Variants in CDYL observed in about 807,000 individuals in gnomAD.
CDYL encodes chromodomain Y-like protein.
In CDYL, 8 loss-of-function variants were observed where a neutral mutation model predicts 47.3. The observed-to-expected ratio is 0.17, with a 90% CI of 0.10 to 0.31. CDYL has a LOEUF of 0.31. Among genes scored for constraint, CDYL ranks in the 10% least tolerant of loss-of-function variants. The pLI, the probability that CDYL is intolerant of heterozygous loss-of-function variation, is 1.00. For synonymous variants in CDYL, 266 were observed against 265.0 expected (o/e 1.00, Z -0.04); for missense variants, 471 against 701.4 (o/e 0.67, Z 3.71).
intron 2 of CDYL, among the ~76,000 whole-genome samples, chr6:4,914,671 T>C (rs1444014944): frequency 6.6e-6 from 1 of 152,256 alleles, no homozygotes; most frequent in Non-Finnish European, 1.5e-5. Context: ...TTCTTCATTC[T>C]GAGCTATTAA....
chr6:4,722,156 GAA>G (rs1561822846), intron 2 of CDYL, among the ~76,000 whole-genome samples: 1 of 152,150 alleles, frequency 6.6e-6, no homozygotes. Flanking sequence ...CCCGGCCAGA[GAA>G]ATATTTTTTA....
intron 5 of CDYL, among the ~76,000 whole-genome samples, chr6:4,945,107 C>T (rs72823967): frequency 0.1 from 15,311 of 152,130 alleles, 937 homozygotes; most frequent in South Asian, 0.16. Flanking sequence ...CTCAGAACAT[C>T]AGGGACCCAG....
chr6:4,860,496 A>AAT lies in CDYL; in HGVS notation c.25-31205_25-31204dup, dbSNP rs776034628. On this transcript the variant is annotated intron_variant, in intron 1 of 6. Coordinates refer to ENST00000397588, the MANE Select transcript of CDYL (RefSeq NM_004824.4). ...TCTTAGAGGGACAGAACTAATAGGA[A>AAT]ATATATATATATAAAAAATATATAT... Among the ~76,000 whole-genome samples the AAT allele has an allele frequency of 2.0e-3, 299 of 147,722 alleles. 1 individual carries two copies. Among genetic ancestry groups the AAT allele is most frequent in the Admixed American group, 7.0e-3 (103 of 14,690 alleles).
rs969263774 is a variant in CDYL, at chr6:4,930,357, T to C, written c.692-5158T>C. Among the ~76,000 whole-genome samples, 24 of 152,356 alleles carry C rather than the reference T, an allele frequency of 1.6e-4. No individual in the cohort carries two copies. The East Asian group carries it at 3.9e-3, about 24-fold the overall frequency. On this transcript the variant is annotated intron_variant, in intron 2 of 6. Coordinates refer to ENST00000397588, the MANE Select transcript of CDYL (RefSeq NM_004824.4). ...TAGCTTCCTCCTTTTCCATATCATG[T>C]CTCACAAATTACAGCCTCCTGGGCC...
chr6:4,916,100 G>A (rs918670295), intron 2 of CDYL, among the ~76,000 whole-genome samples: 1 of 151,600 alleles, frequency 6.6e-6, no homozygotes, highest in African/African-American at 2.4e-5. Context: ...CATAACTTCT[G>A]TATTCCTAAA....
intron 1 of CDYL, among the ~76,000 whole-genome samples, chr6:4,809,294 A>T (rs972474590): frequency 3.3e-5 from 5 of 151,918 alleles, no homozygotes; most frequent in Non-Finnish European, 5.9e-5. Context: ...AAAAATAGCC[A>T]CTCCTTCGTG....
intron 1 of CDYL, among the ~76,000 whole-genome samples, chr6:4,821,735 C>CA (rs60567289): frequency 0.012 from 1,752 of 148,488 alleles, 30 homozygotes; most frequent in African/African-American, 0.041. Context: ...GACTGTATCT[C>CA]GGGGGAAAAA....
chr6:4,807,540 G>A (rs1759404739), intron 1 of CDYL, among the ~76,000 whole-genome samples: 1 of 145,322 alleles, frequency 6.9e-6, no homozygotes, highest in African/African-American at 2.5e-5. Context: ...GCTAATTGGA[G>A]TTGTTTTGCA....
At chr6:4,825,824 C>T (rs1009854216) in intron 1 of CDYL, among the ~76,000 whole-genome samples, 1 of 144,126 alleles carries the variant, frequency 6.9e-6, no homozygotes, top group African/African-American at 2.6e-5. Flanking sequence ...GTTTCATGGT[C>T]ATTTATACAT....
chr6:4,900,223 T>G (rs1005758631), intron 2 of CDYL, among the ~76,000 whole-genome samples: 2 of 152,242 alleles, frequency 1.3e-5, no homozygotes, highest in Non-Finnish European at 2.9e-5. Context: ...TCTTAGCATT[T>G]GCTCTTTTTA....
intron 2 of CDYL, among the ~76,000 whole-genome samples, chr6:4,896,653 G>A (rs573613331): frequency 6.6e-6 from 1 of 152,182 alleles, no homozygotes; most frequent in African/African-American, 2.4e-5. Context: ...GAGAAGCCGC[G>A]CTGAAGCTCT....
chr6:4,916,326 A>G (rs190212077), intron 2 of CDYL, among the ~76,000 whole-genome samples: 7 of 152,346 alleles, frequency 4.6e-5, no homozygotes, highest in Admixed American at 2.6e-4. Context: ...GCATACCTCT[A>G]GCCTTCTCTT....
chr6:4,838,258 C>T lies in CDYL; in HGVS notation c.25-53455C>T, dbSNP rs529018518. ...CTGAGATTTTGGTGCACCCATCACC[C>T]GAGCAGTGTACACTGTACTCAATGT... On this transcript the variant is annotated intron_variant, in intron 1 of 6. Coordinates refer to ENST00000397588, the MANE Select transcript of CDYL (RefSeq NM_004824.4). Among the ~76,000 whole-genome samples the T allele has an allele frequency of 8.5e-5, 13 of 152,156 alleles. No individual in the cohort carries two copies. The South Asian group carries it at 2.1e-3, about 24-fold the overall frequency.
At chr6:4,933,208 C>G (rs1013610204) in intron 2 of CDYL, among the ~76,000 whole-genome samples, 1 of 152,226 alleles carries the variant, frequency 6.6e-6, no homozygotes, top group Non-Finnish European at 1.5e-5. Context: ...CTCATACTGT[C>G]AGTTCAGCCA....
chr6:4,926,376 A>G (rs986202766), intron 2 of CDYL, among the ~76,000 whole-genome samples: 2 of 152,232 alleles, frequency 1.3e-5, no homozygotes, highest in African/African-American at 2.4e-5. Context: ...AATTCTGTAG[A>G]TGCTATAGTC....
chr6:4,806,594 C>T (rs1307757404), intron 1 of CDYL, among the ~76,000 whole-genome samples: 1 of 152,184 alleles, frequency 6.6e-6, no homozygotes, highest in African/African-American at 2.4e-5. Flanking sequence ...GCTATGCAGG[C>T]TGTATTCACA....
intron 4 of CDYL, among the ~76,000 whole-genome samples, chr6:4,941,457 G>GCT (rs1478618350): frequency 2.6e-5 from 4 of 152,170 alleles, no homozygotes; most frequent in Admixed American, 2.6e-4. Flanking sequence ...GCATCTCAGG[G>GCT]CTCACTATTC....
At chr6:4,870,135 G>T (rs1761433513) in intron 1 of CDYL, among the ~76,000 whole-genome samples, 1 of 152,090 alleles carries the variant, frequency 6.6e-6, no homozygotes, top group African/African-American at 2.4e-5. Flanking sequence ...TGTGATCATA[G>T]CTCACTGTAA....
chr6:4,887,428 T>C (rs1761927511), intron 1 of CDYL, among the ~76,000 whole-genome samples: 1 of 152,158 alleles, frequency 6.6e-6, no homozygotes, highest in Non-Finnish European at 1.5e-5. Context: ...GTTTTTTTTC[T>C]TTTTGGTGAT....
Sources: gnomAD v4.1 joint callset for allele counts (sites outside exome capture counted in the v4.1 genomes callset) on GRCh38, gnomAD v4.1.1 for gene constraint, MANE v1.5 for transcripts, NCBI Gene and HGNC (gene_info 2026-07-23, HGNC 2026-07-21) for gene names.